ROBO2: variants seen among roughly 807,000 people sequenced by gnomAD.
ROBO2 encodes the protein roundabout homolog 2.
A neutral mutation model predicts 160.8 loss-of-function variants in ROBO2; 53 were observed. The ratio of observed to expected loss-of-function variants is 0.33; its 90% CI spans 0.26 to 0.41. ROBO2 has a LOEUF of 0.41. Among genes scored for constraint, ROBO2 ranks in the 10% least tolerant of loss-of-function variants. ROBO2 has a pLI of 1.00. For missense variants in ROBO2, 1,577 were observed against 1,722.4 expected, an observed-to-expected ratio of 0.92 and a Z score of 1.49; for synonymous variants, 664 against 611.7, an observed-to-expected ratio of 1.09 and a Z score of -1.26.
At chr3:76,915,635 A>G (rs561210629) in intron 2 of ROBO2, among the ~76,000 whole-genome samples, 40 of 146,660 alleles carry the variant, frequency 2.7e-4, no homozygotes, top group Non-Finnish European at 5.5e-4. Flanking sequence ...GCGTCACTGC[A>G]CTCCAGCCTG....
chr3:77,026,837 G>A (rs1015413018), intron 2 of ROBO2, among the ~76,000 whole-genome samples: 1 of 152,064 alleles, frequency 6.6e-6, no homozygotes. Context: ...TTTTCCCCTC[G>A]ATTTTATTTA....
chr3:75,980,548 A>T (rs2107443099), intron 2 of ROBO2, among the ~76,000 whole-genome samples: 1 of 151,680 alleles, frequency 6.6e-6, no homozygotes, highest in African/African-American at 2.4e-5. Context: ...GCTGTGGAGG[A>T]AGCAGTAGTT....
intron 2 of ROBO2, among the ~76,000 whole-genome samples, chr3:76,150,750 A>G (rs2072164553): frequency 6.6e-6 from 1 of 152,042 alleles, no homozygotes; most frequent in Non-Finnish European, 1.5e-5. Context: ...AACTTTTATT[A>G]TTTCTTCATG....
intron 2 of ROBO2, among the ~76,000 whole-genome samples, chr3:76,993,200 ACAGT>A (rs57572380): frequency 0.04 from 6,097 of 152,288 alleles, 220 homozygotes; most frequent in African/African-American, 0.099. Context: ...CTTCTGACTT[ACAGT>A]CAATCTCCTG....
chr3:75,931,317 G>A (rs543497543), intron 1 of ROBO2, among the ~76,000 whole-genome samples: 3 of 152,178 alleles, frequency 2.0e-5, no homozygotes, highest in Non-Finnish European at 4.4e-5. Flanking sequence ...CTTGAAAGAA[G>A]TAGTTAGAAT....
chr3:77,630,514 T>C (rs967975461), intron 23 of ROBO2: 1 of 137,130 alleles, frequency 7.3e-6, no homozygotes, highest in Non-Finnish European at 1.6e-5. Context: ...AGTCCCCCCC[T>C]TGACACATGG....
chr3:76,809,609 C>T (rs1303895612), intron 2 of ROBO2, among the ~76,000 whole-genome samples: 4 of 152,128 alleles, frequency 2.6e-5, no homozygotes, highest in South Asian at 4.1e-4. Context: ...ATATTGGTAT[C>T]GCCTTAGGGA....
At chr3:77,345,691 T>G (rs576276232) in intron 2 of ROBO2, among the ~76,000 whole-genome samples, 2 of 152,276 alleles carry the variant, frequency 1.3e-5, no homozygotes, top group East Asian at 3.9e-4. Context: ...ATTAGCTGTA[T>G]TTAATGGAAT....
At chr3:77,292,498 G>T (rs1364396522) in intron 2 of ROBO2, among the ~76,000 whole-genome samples, 2 of 151,434 alleles carry the variant, frequency 1.3e-5, no homozygotes, top group African/African-American at 4.9e-5. Flanking sequence ...GAGCACTAAA[G>T]ACATAAAGTA....
chr3:76,204,714 G>A (rs1455030173), intron 2 of ROBO2, among the ~76,000 whole-genome samples: 1 of 152,114 alleles, frequency 6.6e-6, no homozygotes, highest in Non-Finnish European at 1.5e-5. Context: ...CATAAATTGA[G>A]CATTTTGTCT....
At chr3:76,850,192 A>C (rs1354504943) in intron 2 of ROBO2, among the ~76,000 whole-genome samples, 1 of 152,182 alleles carries the variant, frequency 6.6e-6, no homozygotes, top group Non-Finnish European at 1.5e-5. Flanking sequence ...AGTTTTCTCT[A>C]TCTTCATCAG....
chr3:76,898,433 A>G (rs2074978073), intron 2 of ROBO2, among the ~76,000 whole-genome samples: 1 of 152,120 alleles, frequency 6.6e-6, no homozygotes, highest in Non-Finnish European at 1.5e-5. Flanking sequence ...TATAAATAAT[A>G]TGTATAAATA....
At chr3:76,147,199 G>A (rs1516479) in intron 2 of ROBO2, among the ~76,000 whole-genome samples, 45,885 of 151,358 alleles carry the variant, frequency 0.3, 7,747 homozygotes, top group Non-Finnish European at 0.38. Context: ...AATAATTAGA[G>A]TACATTGAAA....
Position 76,600,026 on chromosome 3 carries a change from G to C in ROBO2, c.110-497988G>C, listed in dbSNP as rs1406482803. 2.0e-5 allele frequency among the ~76,000 whole-genome samples: 3 copies of C among 152,222 alleles called. 1 individual carries two copies. In the East Asian group the frequency reaches 5.8e-4, roughly 29 times the overall value. On this transcript the variant is annotated intron_variant, in intron 2 of 26. Coordinates refer to the ROBO2 transcript ENST00000487694. Reference sequence around the variant, plus strand: ...TACTCTGTTGATAGTTTCCTTTGCTGTGCAGATGAACTTTCATTTAATTAG... The same window carrying C: ...TACTCTGTTGATAGTTTCCTTTGCTCTGCAGATGAACTTTCATTTAATTAG...
chr3:76,024,982 A>G (rs2066693900), intron 2 of ROBO2, among the ~76,000 whole-genome samples: 1 of 150,388 alleles, frequency 6.6e-6, no homozygotes, highest in African/African-American at 2.4e-5. Context: ...ATATATGCTT[A>G]AAGGAATTCT....
At chr3:76,130,975 G>A (rs2071201004) in intron 2 of ROBO2, among the ~76,000 whole-genome samples, 1 of 152,194 alleles carries the variant, frequency 6.6e-6, no homozygotes, top group African/African-American at 2.4e-5. Flanking sequence ...CATATGAAAA[G>A]CACTCCAAAA....
At chr3:76,193,935 T>C (rs985550796) in intron 2 of ROBO2, among the ~76,000 whole-genome samples, 1 of 152,136 alleles carries the variant, frequency 6.6e-6, no homozygotes, top group Admixed American at 6.5e-5. Flanking sequence ...CAATCCTCTT[T>C]TCAAATAAGG....
chr3:76,507,002 G>A (rs1448111187), intron 2 of ROBO2, among the ~76,000 whole-genome samples: 1 of 151,986 alleles, frequency 6.6e-6, no homozygotes, highest in Non-Finnish European at 1.5e-5. Context: ...ATTTAAAATT[G>A]GAGTCTTCTC....
At chr3:77,107,196 AT>A (rs2072922692) in intron 2 of ROBO2, among the ~76,000 whole-genome samples, 1 of 152,188 alleles carries the variant, frequency 6.6e-6, no homozygotes, top group Non-Finnish European at 1.5e-5. Context: ...TCATGACCTA[AT>A]CATCTTCCAA....
Sources: allele counts gnomAD v4.1 joint callset (sites outside exome capture counted in the v4.1 genomes callset), GRCh38; gene constraint gnomAD v4.1.1; transcripts MANE v1.5; gene names NCBI Gene and HGNC (gene_info 2026-07-23, HGNC 2026-07-21).